DCUN1D4: variants seen among roughly 807,000 people sequenced by gnomAD.
The protein encoded by DCUN1D4 is defective in cullin neddylation 1 domain containing 4, also known as DCN1-like protein 4.
A neutral mutation model predicts 47.9 loss-of-function variants in DCUN1D4; 22 were observed. The ratio of observed to expected loss-of-function variants is 0.46; its 90% CI spans 0.33 to 0.66. The LOEUF (loss-of-function observed/expected upper bound fraction) is 0.66, where lower values mean the gene tolerates loss of function less well. DCUN1D4 is among the 30% of genes least tolerant of loss of function. The pLI is 0.02. For missense variants in DCUN1D4, 301 were observed against 340.8 expected, an observed-to-expected ratio of 0.88 and a Z score of 0.92; for synonymous variants, 121 against 112.2, an observed-to-expected ratio of 1.08 and a Z score of -0.50.
chr4:51,836,544 T>C, the DCUN1D4 span, among the ~76,000 whole-genome samples: 1 of 152,134 alleles, frequency 6.6e-6, no homozygotes, highest in African/African-American at 2.4e-5. Context: ...GCCCCTGTGG[T>C]AGATTCAACT....
At chr4:51,854,504 C>T (rs1335926059) in intron 1 of DCUN1D4, among the ~76,000 whole-genome samples, 1 of 152,206 alleles carries the variant, frequency 6.6e-6, no homozygotes, top group Admixed American at 6.5e-5. Flanking sequence ...CTAATAGCAG[C>T]ATTTGAAGCA....
intron 8 of DCUN1D4, chr4:51,905,272 C>T (rs1022901815): frequency 4.5e-5 from 20 of 445,984 alleles, no homozygotes; most frequent in Admixed American, 1.4e-4. Flanking sequence ...AGATTGAGAG[C>T]CAGCGAGGAG....
chr4:51,913,611 C>G lies in DCUN1D4; in HGVS notation c.*27C>G. ...ACTTTATGCATAGCAGCGAGAGAGT[C>G]ACTGTTACCACAGTTTTGTCACCCA... On this transcript the variant is annotated 3_prime_UTR_variant, in exon 11 of 11. Coordinates refer to ENST00000334635, the MANE Select transcript of DCUN1D4 (RefSeq NM_001040402.3). 1 of 1,602,010 alleles carries G rather than the reference C, an allele frequency of 6.2e-7. No individual in the cohort carries two copies. Among genetic ancestry groups the G allele is most frequent in the East Asian group, 2.2e-5 (1 of 44,708 alleles).
chr4:51,874,467 C>T (rs768004532), intron 4 of DCUN1D4, 82 bp downstream of exon 4: 11 of 967,366 alleles, frequency 1.1e-5, no homozygotes, highest in Admixed American at 5.3e-5. Flanking sequence ...TGTGGGTCTT[C>T]TAAGTGTGCA....
chr4:51,906,963 G>A (rs1443967051), intron 8 of DCUN1D4, among the ~76,000 whole-genome samples: 1 of 152,186 alleles, frequency 6.6e-6, no homozygotes, highest in South Asian at 2.1e-4. Context: ...GGGGATTATA[G>A]TAGTCCCTAT....
intron 1 of DCUN1D4, chr4:51,843,701 C>G (rs1721973956): frequency 8.1e-7 from 1 of 1,227,258 alleles, no homozygotes; most frequent in Non-Finnish European, 1.0e-6. Context: ...GTGAGGATTT[C>G]CAAAGGGCTG....
chr4:51,889,554 T>G (rs1730098937), intron 6 of DCUN1D4, among the ~76,000 whole-genome samples: 1 of 152,234 alleles, frequency 6.6e-6, no homozygotes, highest in East Asian at 1.9e-4. Flanking sequence ...TAGCCATGTT[T>G]CATTCATGCT....
At chr4:51,891,667 C>A in intron 6 of DCUN1D4, 93 bp from the exon 7 acceptor site, 2 of 983,552 alleles carry the variant, frequency 2.0e-6, no homozygotes, top group Non-Finnish European at 3.0e-6. Flanking sequence ...AAGCATTTAG[C>A]AAAACGTTAA....
chr4:51,909,694 A>G (rs1477957874), intron 8 of DCUN1D4, among the ~76,000 whole-genome samples: 1 of 152,172 alleles, frequency 6.6e-6, no homozygotes, highest in Non-Finnish European at 1.5e-5. Flanking sequence ...GAACTGTGGA[A>G]CTGGGATACA....
chr4:51,845,335 G>A lies in DCUN1D4; in HGVS notation c.25+2068G>A, dbSNP rs148613473. Reference sequence around the variant, plus strand: ...TAACTGTCTTGAAATGAGTGATGGAGGTGGGTTAGTGGAATTTAGGGTGGA... The same window carrying A: ...TAACTGTCTTGAAATGAGTGATGGAAGTGGGTTAGTGGAATTTAGGGTGGA... On this transcript the variant is annotated intron_variant, in intron 1 of 10. Transcript: ENST00000334635. 3,687 of 951,906 alleles carry A rather than the reference G, an allele frequency of 3.9e-3. 14 individuals are homozygous for A. The highest frequency in any genetic ancestry group is 4.4e-3 in the Non-Finnish European group (3,537 of 799,476). The allele number at this position is 951,906 out of a possible 1,614,324, so 59.0% of individuals were successfully genotyped here.
intron 5 of DCUN1D4, among the ~76,000 whole-genome samples, chr4:51,879,729 C>T (rs1209950008): frequency 6.6e-6 from 1 of 152,172 alleles, no homozygotes; most frequent in Admixed American, 6.5e-5. Context: ...TATATTGATT[C>T]ACATTTATTG....
chr4:51,886,545 T>C, intron 5 of DCUN1D4, 23 bp from the exon 6 acceptor site: 1 of 1,608,216 alleles, frequency 6.2e-7, no homozygotes, highest in Non-Finnish European at 8.5e-7. Flanking sequence ...CAGATTTAAT[T>C]TACATAAGAC....
chr4:51,848,697 G>A (rs1722922267), intron 1 of DCUN1D4, among the ~76,000 whole-genome samples: 1 of 152,166 alleles, frequency 6.6e-6, no homozygotes, highest in Admixed American at 6.5e-5. Context: ...ACATTGAAAT[G>A]CATTCTAAAT....
chr4:51,878,057 G>C (rs1485005774), intron 5 of DCUN1D4: 1 of 332,700 alleles, frequency 3.0e-6, no homozygotes, highest in Non-Finnish European at 5.5e-6. Context: ...AAATAATTCA[G>C]AACACTAGAA....
At chr4:51,867,411 G>A (rs189529167) in intron 3 of DCUN1D4, among the ~76,000 whole-genome samples, 14 of 152,360 alleles carry the variant, frequency 9.2e-5, no homozygotes, top group Admixed American at 9.1e-4. Flanking sequence ...CTGCCATTTG[G>A]TGGATCCTGA....
At chr4:51,885,475 T>A (rs1435490340) in intron 5 of DCUN1D4, among the ~76,000 whole-genome samples, 1 of 152,156 alleles carries the variant, frequency 6.6e-6, no homozygotes, top group Non-Finnish European at 1.5e-5. Context: ...TCGAGAGACA[T>A]TGGGCTCCGT....
At chr4:51,868,045 G>T (rs981633771) in intron 3 of DCUN1D4, among the ~76,000 whole-genome samples, 5 of 152,248 alleles carry the variant, frequency 3.3e-5, no homozygotes, top group Non-Finnish European at 7.3e-5. Context: ...CCCCAAGCAT[G>T]TGCACACCTG....
chr4:51,859,204 A>G (rs560407587), intron 1 of DCUN1D4, among the ~76,000 whole-genome samples: 26 of 152,286 alleles, frequency 1.7e-4, no homozygotes, highest in African/African-American at 5.8e-4. Context: ...GGGTCTTTCT[A>G]TTCCAGAAAT....
chr4:51,876,990 T>A (rs548698179), intron 4 of DCUN1D4, among the ~76,000 whole-genome samples: 1 of 152,290 alleles, frequency 6.6e-6, no homozygotes, highest in African/African-American at 2.4e-5. Context: ...TCCTCTTCCC[T>A]CTCCATGTGA....
Sources: gnomAD v4.1 joint callset for allele counts (sites outside exome capture counted in the v4.1 genomes callset) on GRCh38, gnomAD v4.1.1 for gene constraint, MANE v1.5 for transcripts, NCBI Gene and HGNC (gene_info 2026-07-23, HGNC 2026-07-21) for gene names.